CRTC3: variants seen among roughly 807,000 people sequenced by gnomAD.
CRTC3 encodes CREB regulated transcription coactivator 3, also known as CREB-regulated transcription coactivator 3.
In CRTC3, 26 loss-of-function variants were observed where a neutral mutation model predicts 74.5. The observed-to-expected ratio is 0.35, with a 90% CI of 0.26 to 0.48. The LOEUF is 0.48. CRTC3 is among the 20% of genes least tolerant of loss of function. CRTC3 has a pLI of 0.99. For synonymous variants in CRTC3, 377 were observed against 325.8 expected (o/e 1.16, Z -1.69); for missense variants, 760 against 787.3 (o/e 0.97, Z 0.41).
rs1158901514 is a variant in CRTC3, at chr15:90,557,048, C to T, written c.231+16911C>T. Among the ~76,000 whole-genome samples, 4 of 146,238 alleles carry T rather than the reference C, an allele frequency of 2.7e-5. No homozygotes were observed. In the East Asian group the frequency reaches 8.1e-4, roughly 29 times the overall value. On this transcript the variant is annotated intron_variant, in intron 2 of 14. Coordinates refer to ENST00000268184, the MANE Select transcript of CRTC3 (RefSeq NM_022769.5). ...AAATACATTAATCAAATTATCAGAC[C>T]GAGCTTCTACAGATGTTTGCCCCTT...
intron 2 of CRTC3, among the ~76,000 whole-genome samples, chr15:90,558,659 T>C (rs372438998): frequency 6.6e-6 from 1 of 152,100 alleles, no homozygotes. Flanking sequence ...GCCTTGCCTC[T>C]CTAAAATCTA....
chr15:90,634,766 C>T, intron 11 of CRTC3: 3 of 1,105,908 alleles, frequency 2.7e-6, no homozygotes, highest in Non-Finnish European at 4.1e-6. Context: ...CACTCTCTGA[C>T]TGAGTATTGG....
At chr15:90,552,030 C>T (rs1206081932) in intron 2 of CRTC3, among the ~76,000 whole-genome samples, 1 of 152,088 alleles carries the variant, frequency 6.6e-6, no homozygotes, top group Non-Finnish European at 1.5e-5. Context: ...TCTCCTGCTC[C>T]GTCCCTACTC....
At chr15:90,632,161 A>G (rs1210847024) in intron 11 of CRTC3, among the ~76,000 whole-genome samples, 2 of 150,938 alleles carry the variant, frequency 1.3e-5, no homozygotes, top group East Asian at 3.9e-4. Flanking sequence ...TATGTTATTG[A>G]ATTACCTTTA....
At chr15:90,602,134 A>G (rs1968086260) in intron 3 of CRTC3, among the ~76,000 whole-genome samples, 190 bp from the exon 4 acceptor site, 1 of 152,180 alleles carries the variant, frequency 6.6e-6, no homozygotes, top group Admixed American at 6.5e-5. Flanking sequence ...ATGCAAAGAA[A>G]ACACCGGTTA....
Position 90,641,170 on chromosome 15 carries a change from G to T in CRTC3, c.1622G>T (p.Cys541Phe). 6.2e-7 allele frequency: 1 copy of T among 1,613,848 alleles called. No homozygotes were observed. The highest frequency in any genetic ancestry group is 1.1e-5 in the South Asian group (1 of 91,028). The change falls in exon 14 of 15, where the codon TGC becomes TTC. Residue 541 changes from cysteine to phenylalanine, a missense_variant. Transcript: ENST00000268184. ...FHLRPSPYSNCGSLPNTILPE... is the reference protein window; with the variant it reads ...FHLRPSPYSNFGSLPNTILPE... ...TTGAGACCAAGCCCGTATTCCAACT[G>T]CGGGAGTCTCCCGAACACCATCCTG...
Position 90,543,634 on chromosome 15 carries a change from A to G in CRTC3, c.231+3497A>G, listed in dbSNP as rs551915737. ...TATTTTGATCTTCACATTCTCCCCA[A>G]TTAGGCTGGTGGGAGCCCTCTTCCG... is the stretch of plus-strand genomic sequence containing the variant. On this transcript the variant is annotated intron_variant, in intron 2 of 14. Transcript: ENST00000268184. Among the ~76,000 whole-genome samples the G allele has an allele frequency of 1.6e-3, 238 of 152,292 alleles. 1 individual carries two copies. The highest frequency in any genetic ancestry group is 2.5e-3 in the Non-Finnish European group (172 of 68,016).
chr15:90,557,716 C>G (rs1289359605), intron 2 of CRTC3, among the ~76,000 whole-genome samples: 1 of 152,126 alleles, frequency 6.6e-6, no homozygotes, highest in Non-Finnish European at 1.5e-5. Context: ...GACTAGCCAG[C>G]CTCTCACCCA....
intron 3 of CRTC3, chr15:90,595,649 T>A (rs573667187): frequency 6.6e-6 from 1 of 152,332 alleles, no homozygotes; most frequent in Admixed American, 6.5e-5. Flanking sequence ...TATATTAGAT[T>A]AAACATTATG....
chr15:90,591,933 C>T (rs1451505755), intron 2 of CRTC3, among the ~76,000 whole-genome samples: 1 of 152,206 alleles, frequency 6.6e-6, no homozygotes, highest in Admixed American at 6.5e-5. Context: ...AATCTAGCTT[C>T]CCTATATCAT....
chr15:90,640,413 C>T (rs1969397232), intron 13 of CRTC3, among the ~76,000 whole-genome samples: 1 of 151,958 alleles, frequency 6.6e-6, no homozygotes, highest in Non-Finnish European at 1.5e-5. Flanking sequence ...AGGCCAGGTG[C>T]AGTGGCTCAC....
intron 3 of CRTC3, among the ~76,000 whole-genome samples, chr15:90,601,671 G>A (rs6496703): frequency 0.66 from 100,422 of 151,862 alleles, 33,693 homozygotes; most frequent in South Asian, 0.77. Context: ...AAATAAATAA[G>A]TACCAGGAAC....
chr15:90,567,729 T>C (rs2042574042), intron 2 of CRTC3, among the ~76,000 whole-genome samples: 3 of 71,484 alleles, frequency 4.2e-5, no homozygotes, highest in Admixed American at 2.8e-4. Flanking sequence ...ATATCACTCC[T>C]CGTTGACAGT....
At chr15:90,581,845 G>A (rs1967548274) in intron 2 of CRTC3, among the ~76,000 whole-genome samples, 1 of 152,184 alleles carries the variant, frequency 6.6e-6, no homozygotes, top group African/African-American at 2.4e-5. Context: ...AGAATGCAGT[G>A]GGGGTGAAAG....
chr15:90,606,554 T>C (rs941275791), intron 5 of CRTC3, among the ~76,000 whole-genome samples: 14 of 152,022 alleles, frequency 9.2e-5, no homozygotes. Flanking sequence ...AGAGCGAGAC[T>C]CTGTCTCAGA....
chr15:90,639,892 CA>C (rs1334189514), intron 13 of CRTC3, among the ~76,000 whole-genome samples: 1 of 151,528 alleles, frequency 6.6e-6, no homozygotes. Context: ...CTAAAAAATA[CA>C]AAAAAATTAG....
chr15:90,535,245 G>A (rs190873032), intron 1 of CRTC3, among the ~76,000 whole-genome samples: 1 of 152,298 alleles, frequency 6.6e-6, no homozygotes, highest in Admixed American at 6.5e-5. Flanking sequence ...CCATTTGAAA[G>A]GGAGGTGGAG....
chr15:90,555,854 C>T (rs370370159), intron 2 of CRTC3, among the ~76,000 whole-genome samples: 5 of 152,034 alleles, frequency 3.3e-5, no homozygotes, highest in East Asian at 1.9e-4. Flanking sequence ...TAAACCTTTA[C>T]GTTCAGGAAA....
At position 90,641,966 on chromosome 15, in the gene CRTC3, C is replaced by T. The variant is rs1434937515; in HGVS notation, c.1686C>T (p.Asn562=). 6.2e-7 allele frequency: 1 copy of T among 1,613,798 alleles called. No individual in the cohort carries two copies. Among genetic ancestry groups the T allele is most frequent in the Admixed American group, 1.7e-5 (1 of 60,010 alleles). The change falls in exon 15 of 15, where the codon AAC becomes AAT. Residue 562 remains asparagine (N), a synonymous_variant. Transcript: ENST00000268184. The part of the protein sequence containing the change: ...DSSTSLFKDL[N]SALAGLPEVS... ...GCACCAGCCTGTTCAAAGACCTCAA[C>T]AGTGCGCTGGCAGGCCTGCCTGAGG...
Sources: allele counts gnomAD v4.1 joint callset (sites outside exome capture counted in the v4.1 genomes callset), GRCh38; gene constraint gnomAD v4.1.1; transcripts MANE v1.5; gene names NCBI Gene and HGNC (gene_info 2026-07-23, HGNC 2026-07-21).